The following MUC12 variants were observed in gnomAD, a reference collection of about 807,000 sequenced individuals.
The protein encoded by MUC12 is mucin 12, cell surface associated, also known as mucin-12.
MUC12 carries 172 observed loss-of-function variants against 230.8 expected under a neutral mutation model. That is an observed-to-expected ratio of 0.75 (90% confidence interval 0.66 to 0.85). MUC12 has a LOEUF of 0.85. MUC12 is among the 40% of genes least tolerant of loss of function. MUC12 has a pLI of 0.00. For synonymous variants in MUC12, 1,259 were observed against 2,401.9 expected (o/e 0.52, Z 13.91); for missense variants, 3,506 against 5,920.6 (o/e 0.59, Z 13.38).
chr7:101,007,621 A>T (rs985113153), intron 3 of MUC12, among the ~76,000 whole-genome samples: 1 of 152,196 alleles, frequency 6.6e-6, no homozygotes, highest in Non-Finnish European at 1.5e-5. Context: ...CATTGTGTAT[A>T]TGTACCACAT....
chr7:100,973,849 T>C (rs1176791682), intron 1 of MUC12, among the ~76,000 whole-genome samples: 1 of 149,484 alleles, frequency 6.7e-6, no homozygotes, highest in African/African-American at 2.5e-5. Context: ...TGACACCCCA[T>C]CTCTAAAAAA....
At position 101,005,393 on chromosome 7, in the gene MUC12, T is replaced by C; in HGVS notation, c.14830T>C (p.Tyr4944His). 2.6e-6 allele frequency: 4 copies of C among 1,537,588 alleles called. No individual in the cohort carries two copies. The highest frequency in any genetic ancestry group is 1.2e-5 in the South Asian group (1 of 84,034). Reference protein sequence around the residue: ...TTFYISPSPTYTTLFPASSST... With the variant: ...TTFYISPSPTHTTLFPASSST... ...TTTCTACATCAGCCCATCCCCTACT[T>C]ACACAACACTCTTTCCTGCGAGTTC... Residue 4944 changes from tyrosine to histidine, a missense_variant, in exon 2 of 12, where the codon TAC becomes CAC. Transcript: ENST00000536621.
At chr7:100,988,741 A>T (rs1470894906) in intron 1 of MUC12, among the ~76,000 whole-genome samples, 1 of 151,980 alleles carries the variant, frequency 6.6e-6, no homozygotes, top group African/African-American at 2.4e-5. Flanking sequence ...GTCAGACCAG[A>T]TATGGTTTGG....
chr7:101,018,798 CTGCTGGGGAA>C lies in MUC12; in HGVS notation c.*163_*172del. On this transcript the variant is annotated 3_prime_UTR_variant, in exon 12 of 12. Transcript: ENST00000536621. ...CTTGGCCAGTCCCCTGCCTGTGCTC[CTGCTGGGGAA>C]GGCTGGGGGCTGTAAGCCTCTCCAT... The C allele has an allele frequency of 3.0e-6, 2 of 665,728 alleles. No individual in the cohort carries two copies. Among genetic ancestry groups the C allele is most frequent in the Non-Finnish European group, 4.7e-6 (2 of 427,614 alleles). 41.2% of individuals were successfully genotyped at this position (665,728 alleles called of 1,614,324 possible). A position where few individuals can be genotyped will look rare whatever the true frequency, so the allele number is the denominator to read the frequency against.
intron 1 of MUC12, chr7:100,981,437 G>C (rs4363124): frequency 0.73 from 427,873 of 589,112 alleles, 156,138 homozygotes; most frequent in East Asian, 0.84. Flanking sequence ...AGAGCCGAGG[G>C]CTTTAGCCTG....
chr7:100,972,598 G>T (rs889988391), intron 1 of MUC12, among the ~76,000 whole-genome samples: 1 of 148,280 alleles, frequency 6.7e-6, no homozygotes. Flanking sequence ...TGTCTCCAGG[G>T]TTCAAGAGAT....
Position 100,991,616 on chromosome 7 carries a change from C to A in MUC12, c.1053C>A (p.Thr351=), listed in dbSNP as rs1410134628. The A allele has an allele frequency of 6.5e-7, 1 of 1,537,106 alleles. No individual in the cohort carries two copies. The highest frequency in any genetic ancestry group is 8.7e-7 in the Non-Finnish European group (1 of 1,146,434). Residue 351 remains threonine, a synonymous_variant, in exon 2 of 12, where the codon ACC becomes ACA. Transcript: ENST00000536621. ...CACCCCCACCTGCCCGCTCCGCGACCTCAGGCCATGTTGAAGAATCTACAG... is the reference window on the plus strand; with the variant it reads ...CACCCCCACCTGCCCGCTCCGCGACATCAGGCCATGTTGAAGAATCTACAG... ...ATTPPPARSA[T]SGHVEESTAY...
At chr7:101,012,679 T>A in intron 6 of MUC12, 140 bp from the exon 7 acceptor site, 3 of 1,034,084 alleles carry the variant, frequency 2.9e-6, no homozygotes, top group Non-Finnish European at 4.3e-6. Context: ...CAAGCCCAGC[T>A]GCATGTCTAG....
chr7:100,987,784 C>A (rs1793216902), intron 1 of MUC12, among the ~76,000 whole-genome samples: 2 of 151,914 alleles, frequency 1.3e-5, no homozygotes, highest in East Asian at 1.9e-4. Flanking sequence ...ACCAGCCTGA[C>A]CAACATGGAG....
At chr7:101,018,511 C>T in intron 11 of MUC12, 84 bp from the exon 12 acceptor site, 5 of 1,409,802 alleles carry the variant, frequency 3.5e-6, no homozygotes, top group South Asian at 1.2e-5. Flanking sequence ...TTCCCTCCTC[C>T]CCGCCAGGGC....
In MUC12 at chr7:101,017,670, C is replaced by G; in HGVS notation, c.15966+7C>G. ...TGTTGACTCTGGCACAGAGGTGACT[C>G]AGCTGCGAGCTGCCCCCACCCCCTG... On this transcript the variant is annotated splice_region_variant and intron_variant, in intron 11 of 11. Transcript: ENST00000536621. The G allele has an allele frequency of 6.5e-7, 1 of 1,533,786 alleles. No homozygotes were observed. The highest frequency in any genetic ancestry group is 8.7e-7 in the Non-Finnish European group (1 of 1,144,326).
At chr7:100,990,581 G>T in intron 1 of MUC12, 50 bp from the exon 2 acceptor site, 1 of 1,534,050 alleles carries the variant, frequency 6.5e-7, no homozygotes, top group Non-Finnish European at 8.7e-7. Context: ...CCAAACATGA[G>T]GAGACAGTCA....
rs200157422 is a variant in MUC12 at position 100,994,126 on chromosome 7, C to G, written c.3563C>G (p.Thr1188Ser). 1.1e-3 allele frequency: 1,093 copies of G among 1,030,730 alleles called. 383 individuals are homozygous for G. The highest frequency in any genetic ancestry group is 1.4e-3 in the Non-Finnish European group (1,046 of 761,804). 63.8% of individuals were successfully genotyped at this position (1,030,730 alleles called of 1,614,324 possible). A position where few individuals can be genotyped will look rare whatever the true frequency, so the allele number is the denominator to read the frequency against. ...TTSVHGEEPT[T>S]FHSRPASTHT... Reference sequence around the variant, plus strand: ...TCAGTTCATGGTGAAGAGCCTACAACCTTCCACAGCCGGCCAGCCTCAACT... The same window carrying G: ...TCAGTTCATGGTGAAGAGCCTACAAGCTTCCACAGCCGGCCAGCCTCAACT... The change falls in exon 2 of 12, where the codon ACC (threonine) becomes AGC (serine). Residue 1188 changes from threonine to serine, a missense_variant. Thr to Ser is a moderately conservative substitution (Grantham distance 58). Transcript: ENST00000536621.
chr7:101,013,097 G>A lies in MUC12; in HGVS notation c.15593G>A (p.Cys5198Tyr). 1 of 1,537,326 alleles carries A rather than the reference G, an allele frequency of 6.5e-7. No homozygotes were observed. Among genetic ancestry groups the A allele is most frequent in the African/African-American group, 1.4e-5 (1 of 73,170 alleles). The part of the protein sequence containing the change: ...CTKGTKSQMN[C>Y]NLGTCQLQRS... ...AAAGGAACGAAGTCGCAAATGAACTGTAACCTGGGCACATGTCAGCTGCAA... is the reference window on the plus strand; with the variant it reads ...AAAGGAACGAAGTCGCAAATGAACTATAACCTGGGCACATGTCAGCTGCAA... The change falls in exon 8 of 12, where the codon TGT becomes TAT. Residue 5198 changes from cysteine to tyrosine, a missense_variant. Cys to Tyr is a radical substitution (Grantham distance 194). Transcript: ENST00000536621.
Position 100,990,183 on chromosome 7 carries a change from C to T in MUC12, c.68-448C>T, listed in dbSNP as rs138486372. On this transcript the variant is annotated intron_variant, in intron 1 of 11. Coordinates refer to ENST00000536621, the MANE Select transcript of MUC12 (RefSeq NM_001164462.2). ...AGGACACACGGCAAGAAGTGAGTAGCGGGCCAGCGAAGCTGAGCTCTGCCT... is the reference window on the plus strand; with the variant it reads ...AGGACACACGGCAAGAAGTGAGTAGTGGGCCAGCGAAGCTGAGCTCTGCCT... Among the ~76,000 whole-genome samples the T allele has an allele frequency of 6.0e-4, 92 of 152,324 alleles. No homozygotes were observed. In the Middle Eastern group the frequency reaches 0.01, roughly 17 times the overall value.
chr7:100,971,414 C>CA (rs1792891986), intron 1 of MUC12, among the ~76,000 whole-genome samples: 2 of 141,922 alleles, frequency 1.4e-5, no homozygotes, highest in African/African-American at 5.3e-5. Context: ...GGTGAGGGGG[C>CA]AGGGGAGCTG....
In MUC12 at chr7:100,992,649, A is replaced by C. The variant is rs1793354511; in HGVS notation, c.2086A>C (p.Thr696Pro). The change falls in exon 2 of 12, where the codon ACT becomes CCT. Residue 696 changes from threonine to proline, a missense_variant. Coordinates refer to ENST00000536621, the MANE Select transcript of MUC12 (RefSeq NM_001164462.2). Reference sequence around the variant, plus strand: ...GACCTACCACAGCAGCCCGGGCTCAACTCAAACAATGCACTTCCCTGAAAG... The same window carrying C: ...GACCTACCACAGCAGCCCGGGCTCACCTCAAACAATGCACTTCCCTGAAAG... ...STTYHSSPGS[T>P]QTMHFPESDT... is the part of the protein sequence containing the mutation. 1 of 1,537,304 alleles carries C rather than the reference A, an allele frequency of 6.5e-7. No homozygotes were observed. Among genetic ancestry groups the C allele is most frequent in the Non-Finnish European group, 8.7e-7 (1 of 1,147,014 alleles).
At chr7:101,007,330 T>C (rs1411083310) in intron 3 of MUC12, among the ~76,000 whole-genome samples, 1 of 152,204 alleles carries the variant, frequency 6.6e-6, no homozygotes, top group Non-Finnish European at 1.5e-5. Flanking sequence ...AAATACTAGG[T>C]CTTATTCATC....
In MUC12 at chr7:101,008,641, G is replaced by A. The variant is rs368301412; in HGVS notation, c.15066G>A (p.Pro5022=). ...SPLESFPVET[P]EKLNATLGMT... ...CATGGCCTTTTCCCACAGAAACCCCGGAAAAACTCAACGCCACTTTAGGTA... is the reference window on the plus strand; with the variant it reads ...CATGGCCTTTTCCCACAGAAACCCCAGAAAAACTCAACGCCACTTTAGGTA... Residue 5022 remains proline, a synonymous_variant, in exon 4 of 12, where the codon CCG becomes CCA. Transcript: ENST00000536621. 21 of 1,536,942 alleles carry A rather than the reference G, an allele frequency of 1.4e-5. No homozygotes were observed. The highest frequency in any genetic ancestry group is 8.2e-5 in the African/African-American group (6 of 72,990).
Sources: allele counts gnomAD v4.1 joint callset (sites outside exome capture counted in the v4.1 genomes callset), GRCh38; gene constraint gnomAD v4.1.1; transcripts MANE v1.5; gene names NCBI Gene and HGNC (gene_info 2026-07-23, HGNC 2026-07-21).